Variants in SIK2 observed in about 807,000 individuals in gnomAD.
SIK2 encodes serine/threonine-protein kinase SIK2.
In SIK2, 29 loss-of-function variants were observed where a neutral mutation model predicts 103.2. The ratio of observed to expected loss-of-function variants is 0.28; its 90% CI spans 0.21 to 0.38. SIK2 has a LOEUF of 0.38. Ranked by LOEUF, SIK2 falls within the 10% of genes least tolerant of loss-of-function variation. SIK2 has a pLI of 1.00. For synonymous variants in SIK2, 412 were observed against 446.1 expected (o/e 0.92, Z 0.96); for missense variants, 879 against 1,171.0 (o/e 0.75, Z 3.64).
chr11:111,723,705 A>G lies in SIK2; in HGVS notation c.2357A>G (p.Gln786Arg). The change falls in exon 15 of 15, where the codon CAA (glutamine) becomes CGA (arginine). Residue 786 changes from glutamine to arginine, a missense_variant. Gln to Arg is a conservative substitution (Grantham distance 43, BLOSUM62 1). Coordinates refer to ENST00000304987, the MANE Select transcript of SIK2 (RefSeq NM_015191.3). ...CTGGAGCCTTCCTCCGAGCAGATGC[A>G]ATACAGCCCTTTCCTCAGCCAGTAC... Reference protein sequence around the residue: ...PVLEPSSEQMQYSPFLSQYQE... With the variant: ...PVLEPSSEQMRYSPFLSQYQE... 2 of 1,614,138 alleles carry G rather than the reference A, an allele frequency of 1.2e-6. No individual in the cohort carries two copies. The highest frequency in any genetic ancestry group is 4.5e-5 in the East Asian group (2 of 44,882).
Position 111,721,898 on chromosome 11 carries a change from A to G in SIK2, c.2013A>G (p.Pro671=). 2 of 1,611,938 alleles carry G rather than the reference A, an allele frequency of 1.2e-6. No individual in the cohort carries two copies. Among genetic ancestry groups the G allele is most frequent in the Non-Finnish European group, 1.7e-6 (2 of 1,178,884 alleles). Residue 671 remains proline (P), a synonymous_variant, in exon 13 of 15, where the codon CCA becomes CCG. Coordinates refer to ENST00000304987, the MANE Select transcript of SIK2 (RefSeq NM_015191.3). ...LPASVHPQLS[P]RQSLETQYLQ... is the part of the protein sequence containing the mutation. ...CCAGCGTGCATCCCCAGCTGTCCCC[A>G]CGGCAGAGCCTGGAGACCCAGTACC...
intron 2 of SIK2, among the ~76,000 whole-genome samples, chr11:111,619,486 G>C (rs1356178003): frequency 1.3e-5 from 2 of 152,126 alleles, no homozygotes; most frequent in African/African-American, 4.8e-5. Context: ...TGGGATCACA[G>C]GTGCACACCA....
chr11:111,720,104 T>C, intron 10 of SIK2, 101 bp downstream of exon 10: 1 of 1,142,088 alleles, frequency 8.8e-7, no homozygotes, highest in Non-Finnish European at 1.3e-6. Flanking sequence ...TAAAATTGAG[T>C]CGATAGCTTA....
chr11:111,688,274 G>GGTAGAAAT lies in SIK2; in HGVS notation c.478+113_478+114insTAGAAATG. On this transcript the variant is annotated intron_variant, in intron 4 of 14. Coordinates refer to ENST00000304987, the MANE Select transcript of SIK2 (RefSeq NM_015191.3). The surrounding 1 kb of genome is among the most constrained non-coding windows in gnomAD (Gnocchi z 4.2). The stretch of plus-strand genomic sequence containing the variant: ...GCAGCATTTCTACCTGATGACATCA[G>GGTAGAAAT]GCTATCTCAAAGTCCATTTTATTCA... The GGTAGAAAT allele has an allele frequency of 1.9e-6, 2 of 1,059,268 alleles. No individual in the cohort carries two copies. The highest frequency in any genetic ancestry group is 2.8e-6 in the Non-Finnish European group (2 of 718,304). 65.6% of individuals were successfully genotyped at this position (1,059,268 alleles called of 1,614,324 possible).
At position 111,727,234 on chromosome 11, in the gene SIK2, G is replaced by A. The variant is rs1429617478; in HGVS notation, c.*3105G>A. On this transcript the variant is annotated 3_prime_UTR_variant, in exon 15 of 15. Transcript: ENST00000304987. ...CATCCACCTTGAGAATCCCTGCGTG[G>A]GAGAGCATCAGGGCCCACCAGGGGA... 23 of 624,344 alleles carry A rather than the reference G, an allele frequency of 3.7e-5. No homozygotes were observed. Among genetic ancestry groups the A allele is most frequent in the Non-Finnish European group, 6.6e-5 (23 of 351,106 alleles). 38.7% of individuals were successfully genotyped at this position (624,344 alleles called of 1,614,324 possible).
intron 3 of SIK2, among the ~76,000 whole-genome samples, chr11:111,628,416 A>ATCTTTTTCTTTCTTTCTTTCTTTCTT (rs1941989761): frequency 8.0e-6 from 1 of 125,574 alleles, no homozygotes; most frequent in Non-Finnish European, 1.7e-5. Flanking sequence ...CCGCTTTCAT[A>ATCTTTTTCTTTCTTTCTTTCTTTCTT]TCTTTCTTTC....
At chr11:111,673,192 T>A (rs7119563) in intron 3 of SIK2, among the ~76,000 whole-genome samples, 37,241 of 152,174 alleles carry the variant, frequency 0.24, 4,853 homozygotes, top group Middle Eastern at 0.31. Flanking sequence ...GACTACCTGT[T>A]CCTCTGTTAG....
At chr11:111,667,465 G>C (rs991954738) in intron 3 of SIK2, among the ~76,000 whole-genome samples, 1 of 149,262 alleles carries the variant, frequency 6.7e-6, no homozygotes, top group African/African-American at 2.5e-5. Context: ...AAATGATACT[G>C]ATCAATAGTT....
At chr11:111,647,867 CA>C (rs1462695757) in intron 3 of SIK2, among the ~76,000 whole-genome samples, 1 of 147,924 alleles carries the variant, frequency 6.8e-6, no homozygotes. Context: ...GACTCTGTCT[CA>C]AAAAAAAAGA....
Position 111,725,999 on chromosome 11 carries a change from T to C in SIK2, c.*1870T>C, listed in dbSNP as rs1174632603. ...GCTTCTTCTGGGAGTTGTTTATTCC[T>C]GCTCGTGCTTAAGATTGATGATTTC... On this transcript the variant is annotated 3_prime_UTR_variant, in exon 15 of 15. Coordinates refer to ENST00000304987, the MANE Select transcript of SIK2 (RefSeq NM_015191.3). 6.6e-6 allele frequency: 1 copy of C among 152,248 alleles called. No individual in the cohort carries two copies. Among genetic ancestry groups the C allele is most frequent in the Non-Finnish European group, 1.5e-5 (1 of 68,040 alleles). The allele number at this position is 152,248 out of a possible 1,614,324, so 9.4% of individuals were successfully genotyped here. A position where few individuals can be genotyped will look rare whatever the true frequency, so the allele number is the denominator to read the frequency against.
rs571212692 is a variant in SIK2, at chr11:111,631,675, T to G, written c.316+11273T>G. 4.8e-4 allele frequency among the ~76,000 whole-genome samples: 73 copies of G among 152,286 alleles called. 1 individual carries two copies. The highest frequency in any genetic ancestry group is 2.8e-3 in the Admixed American group (43 of 15,288). On this transcript the variant is annotated intron_variant, in intron 3 of 14. Transcript: ENST00000304987. ...AAATATTTAAAACTCTAGCCTTGAG[T>G]CTGTGCATAACTCCCAGCAGCTTGC...
chr11:111,657,313 G>T (rs189141315), intron 3 of SIK2, among the ~76,000 whole-genome samples: 1 of 152,248 alleles, frequency 6.6e-6, no homozygotes, highest in African/African-American at 2.4e-5. Context: ...TCTTTGAGGT[G>T]ATTTTGCATA....
Position 111,701,634 on chromosome 11 carries a change from G to A in SIK2, c.727+59G>A. ...ACAGTGTTAGTGCTCCAAGTGAAAT[G>A]CCTAGGTAAAAGCTTCTTTTTTTCT... On this transcript the variant is annotated intron_variant, in intron 6 of 14. Coordinates refer to ENST00000304987, the MANE Select transcript of SIK2 (RefSeq NM_015191.3). The surrounding 1 kb of genome is among the most constrained non-coding windows in gnomAD (Gnocchi z 4.2). 1.9e-6 allele frequency: 3 copies of A among 1,569,682 alleles called. No homozygotes were observed. In the South Asian group the frequency reaches 3.6e-5, roughly 19 times the overall value.
chr11:111,638,355 A>G (rs569443362), intron 3 of SIK2, among the ~76,000 whole-genome samples: 1 of 152,324 alleles, frequency 6.6e-6, no homozygotes, highest in South Asian at 2.1e-4. Context: ...CCCAGTCCAT[A>G]AAATGAAGGG....
At chr11:111,714,572 G>A (rs978303749) in intron 9 of SIK2, among the ~76,000 whole-genome samples, 1 of 152,206 alleles carries the variant, frequency 6.6e-6, no homozygotes, top group African/African-American at 2.4e-5. Context: ...GGCAGATAGA[G>A]ATGGTGCAGA....
At position 111,729,204 on chromosome 11, in the gene SIK2, C is replaced by T. The variant is rs1036559615; in HGVS notation, c.*5075C>T. The T allele has an allele frequency of 6.6e-6, 1 of 152,260 alleles. No homozygotes were observed. The highest frequency in any genetic ancestry group is 2.4e-5 in the African/African-American group (1 of 41,444). 9.4% of individuals were successfully genotyped at this position (152,260 alleles called of 1,614,324 possible). ...AAGACAGCCATCCTACGTGCACCCC[C>T]ACCTTGTGTCCACATCTTCTCCAGG... On this transcript the variant is annotated 3_prime_UTR_variant, in exon 15 of 15. Coordinates refer to ENST00000304987, the MANE Select transcript of SIK2 (RefSeq NM_015191.3).
chr11:111,727,213 C>A lies in SIK2; in HGVS notation c.*3084C>A. ...GAGGCTGATGGTTCTCTACACCATC[C>A]ACCTTGAGAATCCCTGCGTGGGAGA... On this transcript the variant is annotated 3_prime_UTR_variant, in exon 15 of 15. Transcript: ENST00000304987. 1 of 651,810 alleles carries A rather than the reference C, an allele frequency of 1.5e-6. No individual in the cohort carries two copies. Among genetic ancestry groups the A allele is most frequent in the Non-Finnish European group, 2.7e-6 (1 of 368,014 alleles). The allele number at this position is 651,810 out of a possible 1,614,324, so 40.4% of individuals were successfully genotyped here. A position where few individuals can be genotyped will look rare whatever the true frequency, so the allele number is the denominator to read the frequency against.
chr11:111,614,086 T>A (rs1941768597), intron 1 of SIK2, among the ~76,000 whole-genome samples: 1 of 28,380 alleles, frequency 3.5e-5, no homozygotes, highest in African/African-American at 5.2e-5. Context: ...TCTCCCCCCA[T>A]TTTTTTTTTT....
At chr11:111,605,808 T>C (rs1941641714) in intron 1 of SIK2, among the ~76,000 whole-genome samples, 1 of 152,236 alleles carries the variant, frequency 6.6e-6, no homozygotes, top group Admixed American at 6.5e-5. Context: ...TTCGTTTTGG[T>C]CGAATCTATC....
Sources: gnomAD v4.1 joint callset for allele counts (sites outside exome capture counted in the v4.1 genomes callset) on GRCh38, gnomAD v4.1.1 for gene constraint, Gnocchi (gnomAD v3.1) non-coding constraint, MANE v1.5 for transcripts, NCBI Gene and HGNC (gene_info 2026-07-23, HGNC 2026-07-21) for gene names.